Variants in INTS4 observed in about 807,000 individuals in gnomAD.
INTS4 encodes the protein integrator complex subunit 4.
Under a neutral mutation model 119.5 loss-of-function variants are expected in INTS4, and 70 were observed. That is an observed-to-expected ratio of 0.59 (90% CI 0.48 to 0.71). The LOEUF is 0.71. Ranked by LOEUF, INTS4 falls within the 30% of genes least tolerant of loss-of-function variation. The probability of loss-of-function intolerance (pLI) is 0.00; values close to 1 mark genes in which losing one functional copy is unlikely to be tolerated. For synonymous variants in INTS4, 316 were observed against 419.6 expected (o/e 0.75, Z 3.02); for missense variants, 867 against 1,173.2 (o/e 0.74, Z 3.81).
At position 77,901,413 on chromosome 11, in the gene INTS4, C is replaced by T; in HGVS notation, c.2228+8G>A. 1.2e-6 allele frequency: 2 copies of T among 1,613,926 alleles called. No homozygotes were observed. Among genetic ancestry groups the T allele is most frequent in the Non-Finnish European group, 1.7e-6 (2 of 1,179,816 alleles). ...ATGCCACATATTTTGGCCAACCCCA[C>T]ATCTTACCCTCGTGTAGTTCGTGCT... On this transcript the variant is annotated splice_region_variant and intron_variant, in intron 18 of 22. Coordinates refer to ENST00000534064, the MANE Select transcript of INTS4 (RefSeq NM_033547.4).
At chr11:77,884,966 C>T (rs1951940978) in intron 21 of INTS4, 1 of 202,266 alleles carries the variant, frequency 4.9e-6, no homozygotes, top group Admixed American at 4.9e-5. Flanking sequence ...TGCTATGTTG[C>T]CCAGGCTAGT....
intron 18 of INTS4, 90 bp downstream of exon 18, chr11:77,901,331 C>T: frequency 7.4e-7 from 1 of 1,347,778 alleles, no homozygotes; most frequent in Admixed American, 1.8e-5. Context: ...TTTCATTTCA[C>T]TTATCATTAA....
intron 6 of INTS4, among the ~76,000 whole-genome samples, chr11:77,960,022 C>T (rs1198734166): frequency 6.6e-6 from 1 of 152,008 alleles, no homozygotes; most frequent in Admixed American, 6.6e-5. Context: ...CATGTACGGC[C>T]CAACCAAACA....
intron 3 of INTS4, among the ~76,000 whole-genome samples, chr11:77,980,990 TAA>T (rs555825853): frequency 1.4e-5 from 2 of 143,406 alleles, no homozygotes; most frequent in Non-Finnish European, 1.5e-5. Flanking sequence ...GAGACTCCGT[TAA>T]AAAAAAAAAA....
chr11:77,904,789 C>T (rs1368487090), intron 16 of INTS4, among the ~76,000 whole-genome samples: 1 of 152,144 alleles, frequency 6.6e-6, no homozygotes, highest in Non-Finnish European at 1.5e-5. Flanking sequence ...CATCCAAATT[C>T]TGGGGAAGTG....
chr11:77,891,411 G>T lies in INTS4; in HGVS notation c.2500C>A (p.Pro834Thr), dbSNP rs745900673. 3 of 1,613,480 alleles carry T rather than the reference G, an allele frequency of 1.9e-6. No homozygotes were observed. The highest frequency in any genetic ancestry group is 1.7e-5 in the Admixed American group (1 of 59,958). ...IIEPAGESDN[P>T]LRFTSGLVVA... The stretch of plus-strand genomic sequence containing the variant: ...ACCAACCCAGAGGTAAACCGCAAAG[G>T]GTTGTCTGACTCGCCCGCTGGCTCG... The change falls in exon 21 of 23, where the codon CCT becomes ACT. Residue 834 changes from proline to threonine, a missense_variant. This residue lies in a region of INTS4 where 262 missense variants were observed against 376.0 expected (regional missense o/e 0.70). Transcript: ENST00000534064.
chr11:77,918,668 A>G (rs1368317781), intron 15 of INTS4, among the ~76,000 whole-genome samples, 153 bp downstream of exon 15: 1 of 152,168 alleles, frequency 6.6e-6, no homozygotes, highest in Non-Finnish European at 1.5e-5. Context: ...TCAAACCACA[A>G]TCTAATCCAA....
chr11:77,878,610 G>A (rs1951673301), downstream of INTS4: 2 of 582,200 alleles, frequency 3.4e-6, no homozygotes, highest in Admixed American at 3.2e-5. Flanking sequence ...GTTATCAGGA[G>A]GTAACTGGAT....
intron 10 of INTS4, among the ~76,000 whole-genome samples, chr11:77,933,439 T>C (rs1953709189): frequency 6.6e-6 from 1 of 152,204 alleles, no homozygotes; most frequent in Non-Finnish European, 1.5e-5. Context: ...TTGGCCGGGC[T>C]GGTCTCCAGC....
intron 21 of INTS4, among the ~76,000 whole-genome samples, chr11:77,890,796 G>A (rs1371940578): frequency 6.6e-6 from 1 of 152,236 alleles, no homozygotes; most frequent in Non-Finnish European, 1.5e-5. Flanking sequence ...AGTACTCTTT[G>A]TGGGGCTTAA....
intron 6 of INTS4, among the ~76,000 whole-genome samples, chr11:77,959,804 C>T (rs1954420118): frequency 2.6e-5 from 4 of 152,186 alleles, no homozygotes; most frequent in Non-Finnish European, 5.9e-5. Context: ...ATTCCTTTTA[C>T]CAGATTCAGT....
intron 15 of INTS4, among the ~76,000 whole-genome samples, chr11:77,910,315 C>T (rs971008731): frequency 2.0e-4 from 30 of 151,588 alleles, no homozygotes; most frequent in African/African-American, 7.3e-4. Context: ...AAGCTGGAAA[C>T]CATCGTTCTC....
chr11:77,893,825 G>A (rs567598676), intron 19 of INTS4, among the ~76,000 whole-genome samples: 208 of 151,846 alleles, frequency 1.4e-3, no homozygotes, highest in Non-Finnish European at 2.4e-3. Flanking sequence ...CCCAGGAGGC[G>A]GAGGCTGCAG....
chr11:77,949,911 T>A (rs954372897), intron 8 of INTS4, among the ~76,000 whole-genome samples: 2 of 152,082 alleles, frequency 1.3e-5, no homozygotes, highest in Non-Finnish European at 2.9e-5. Context: ...TAAAAACACA[T>A]GCACACGTAT....
intron 2 of INTS4, among the ~76,000 whole-genome samples, chr11:77,988,804 A>T (rs1856552511): frequency 6.6e-6 from 1 of 152,238 alleles, no homozygotes; most frequent in Non-Finnish European, 1.5e-5. Flanking sequence ...ATCCTTAAAG[A>T]AGTAAATGAA....
At chr11:77,936,603 A>T (rs1011118940) in intron 10 of INTS4, among the ~76,000 whole-genome samples, 1 of 152,130 alleles carries the variant, frequency 6.6e-6, no homozygotes, top group African/African-American at 2.4e-5. Flanking sequence ...GATGGAAAAA[A>T]CCCAAATTCT....
intron 14 of INTS4, among the ~76,000 whole-genome samples, chr11:77,920,256 T>TACATATATATATATATATATAC (rs776577966): frequency 5.5e-5 from 1 of 18,168 alleles, no homozygotes; most frequent in African/African-American, 3.4e-4. Context: ...TATACATATA[T>TACATATATATATATATATATAC]ACATATATAC....
At chr11:77,986,536 A>G (rs2136659205) in intron 2 of INTS4, among the ~76,000 whole-genome samples, 1 of 152,318 alleles carries the variant, frequency 6.6e-6, no homozygotes, top group Admixed American at 6.5e-5. Flanking sequence ...ATACATGTGC[A>G]CGTATGTTTA....
intron 21 of INTS4, among the ~76,000 whole-genome samples, chr11:77,885,129 C>A (rs1445256787): frequency 6.6e-6 from 1 of 151,908 alleles, no homozygotes. Context: ...ACAAGCTGAA[C>A]TGCAGTGGCA....
Sources: allele counts gnomAD v4.1 joint callset (sites outside exome capture counted in the v4.1 genomes callset), GRCh38; gene constraint gnomAD v4.1.1; regional missense constraint gnomAD v4.1.1; transcripts MANE v1.5; gene names NCBI Gene and HGNC (gene_info 2026-07-23, HGNC 2026-07-21).